NDUFS4: variants seen among roughly 807,000 people sequenced by gnomAD.
NDUFS4 encodes NADH:ubiquinone oxidoreductase subunit S4, also known as NADH dehydrogenase [ubiquinone] iron-sulfur protein 4, mitochondrial.
In NDUFS4, 28 loss-of-function variants were observed where a neutral mutation model predicts 24.3. The observed-to-expected ratio is 1.15, with a 90% confidence interval of 0.85 to 1.58. NDUFS4 has a LOEUF of 1.58. Ranked by LOEUF, NDUFS4 falls within the 40% of genes most tolerant of loss-of-function variation. The pLI is 0.00. For missense variants in NDUFS4, 223 were observed against 207.9 expected, an observed-to-expected ratio of 1.07 and a Z score of -0.45; for synonymous variants, 93 against 69.7, an observed-to-expected ratio of 1.34 and a Z score of -1.67.
chr5:53,639,907 G>GT (rs1341094461), intron 2 of NDUFS4, among the ~76,000 whole-genome samples: 1 of 152,090 alleles, frequency 6.6e-6, no homozygotes, highest in African/African-American at 2.4e-5. Flanking sequence ...GAAAAAGAAT[G>GT]TAAGTTTTTT....
chr5:53,561,759 A>G (rs942779858), intron 1 of NDUFS4, among the ~76,000 whole-genome samples: 2 of 152,190 alleles, frequency 1.3e-5, no homozygotes, highest in African/African-American at 4.8e-5. Context: ...GAGAATTAGG[A>G]TGAGTTAATT....
chr5:53,656,391 G>A (rs1003202638), intron 3 of NDUFS4, among the ~76,000 whole-genome samples: 1 of 152,072 alleles, frequency 6.6e-6, no homozygotes, highest in Non-Finnish European at 1.5e-5. Flanking sequence ...ATTATCTTTA[G>A]TGGACCAGGT....
chr5:53,629,272 A>T (rs974159404), intron 2 of NDUFS4, among the ~76,000 whole-genome samples: 1 of 152,050 alleles, frequency 6.6e-6, no homozygotes, highest in Admixed American at 6.5e-5. Context: ...GTTCTTTTAC[A>T]TTTGCTGAGG....
chr5:53,623,095 T>G (rs1243955534), intron 2 of NDUFS4, among the ~76,000 whole-genome samples: 1 of 152,224 alleles, frequency 6.6e-6, no homozygotes, highest in Non-Finnish European at 1.5e-5. Flanking sequence ...GTCTAAATAT[T>G]TGTTCAAATC....
At chr5:53,682,741 T>TAGTG (rs1222030152) in intron 4 of NDUFS4, among the ~76,000 whole-genome samples, 36 of 152,166 alleles carry the variant, frequency 2.4e-4, no homozygotes, top group African/African-American at 7.2e-4. Context: ...TTTAGAATAA[T>TAGTG]AGTGAGTTGG....
At chr5:53,627,758 T>G (rs1166347385) in intron 2 of NDUFS4, among the ~76,000 whole-genome samples, 1 of 152,236 alleles carries the variant, frequency 6.6e-6, no homozygotes, top group Non-Finnish European at 1.5e-5. Flanking sequence ...CTGAAGTTGC[T>G]TATCAGCTTA....
chr5:53,676,437 A>G (rs1055262059), intron 4 of NDUFS4, among the ~76,000 whole-genome samples: 1 of 152,148 alleles, frequency 6.6e-6, no homozygotes, highest in African/African-American at 2.4e-5. Context: ...TTGTTTAAAG[A>G]CACCTTATTT....
chr5:53,642,296 C>A (rs967114386), intron 2 of NDUFS4, among the ~76,000 whole-genome samples: 1 of 152,158 alleles, frequency 6.6e-6, no homozygotes, highest in East Asian at 1.9e-4. Context: ...CAGTGTTGCC[C>A]TAATTTACCA....
intron 3 of NDUFS4, among the ~76,000 whole-genome samples, chr5:53,648,478 G>T (rs1751925436): frequency 6.6e-6 from 1 of 152,166 alleles, no homozygotes; most frequent in African/African-American, 2.4e-5. Flanking sequence ...TACTTGTCAA[G>T]AAAACAGAAG....
At chr5:53,649,371 C>T (rs1751955360) in intron 3 of NDUFS4, among the ~76,000 whole-genome samples, 1 of 152,112 alleles carries the variant, frequency 6.6e-6, no homozygotes, top group Non-Finnish European at 1.5e-5. Flanking sequence ...CCTCTCCCCT[C>T]TATTGGAGTT....
At chr5:53,582,736 A>G (rs953034718) in intron 1 of NDUFS4, among the ~76,000 whole-genome samples, 24 of 152,322 alleles carry the variant, frequency 1.6e-4, no homozygotes, top group Admixed American at 1.0e-3. Flanking sequence ...GTTCTTCAAG[A>G]TCAAGAACTG....
At chr5:53,562,557 T>C (rs1220319121) in intron 1 of NDUFS4, among the ~76,000 whole-genome samples, 2 of 152,098 alleles carry the variant, frequency 1.3e-5, no homozygotes, top group Non-Finnish European at 2.9e-5. Flanking sequence ...TGAAAATAAA[T>C]CATTTAATCT....
At chr5:53,588,732 A>G (rs998223644) in intron 1 of NDUFS4, among the ~76,000 whole-genome samples, 16 of 152,242 alleles carry the variant, frequency 1.1e-4, no homozygotes, top group Non-Finnish European at 2.2e-4. Flanking sequence ...GAATTGAAGT[A>G]TGCAACTTGT....
intron 2 of NDUFS4, among the ~76,000 whole-genome samples, chr5:53,644,044 T>A (rs1751775726): frequency 6.6e-6 from 1 of 152,194 alleles, no homozygotes; most frequent in African/African-American, 2.4e-5. Flanking sequence ...TACTGTCCTT[T>A]CTACTTTGTA....
chr5:53,619,283 A>G (rs992153828), intron 2 of NDUFS4, among the ~76,000 whole-genome samples: 6 of 145,352 alleles, frequency 4.1e-5, no homozygotes, highest in African/African-American at 1.6e-4. Flanking sequence ...CAACATAGTG[A>G]AACCCCTTTT....
At chr5:53,655,714 A>G (rs1231390277) in intron 3 of NDUFS4, among the ~76,000 whole-genome samples, 1 of 152,184 alleles carries the variant, frequency 6.6e-6, no homozygotes, top group African/African-American at 2.4e-5. Flanking sequence ...TTTTGTTCCA[A>G]CAGACAGTTA....
At chr5:53,654,176 CAAT>C (rs1752098382) in intron 3 of NDUFS4, among the ~76,000 whole-genome samples, 1 of 151,260 alleles carries the variant, frequency 6.6e-6, no homozygotes, top group South Asian at 2.1e-4. Flanking sequence ...CTTGATCTAC[CAAT>C]AATTAAAAAA....
chr5:53,573,662 C>G (rs142547328), intron 1 of NDUFS4: 1 of 435,864 alleles, frequency 2.3e-6, no homozygotes, highest in South Asian at 1.7e-5. Flanking sequence ...AATCATAGCT[C>G]ACTACATCCC....
intron 1 of NDUFS4, among the ~76,000 whole-genome samples, chr5:53,574,833 T>C (rs1227663389): frequency 6.6e-6 from 1 of 150,392 alleles, no homozygotes; most frequent in East Asian, 1.9e-4. Flanking sequence ...CCTTTATCAA[T>C]GTCCATCCAG....
Sources: allele counts gnomAD v4.1 joint callset (sites outside exome capture counted in the v4.1 genomes callset), GRCh38; gene constraint gnomAD v4.1.1; transcripts MANE v1.5; gene names NCBI Gene and HGNC (gene_info 2026-07-23, HGNC 2026-07-21).